BCAS1: variants seen among roughly 807,000 people sequenced by gnomAD.
BCAS1 encodes the protein breast carcinoma-amplified sequence 1.
A neutral mutation model predicts 65.4 loss-of-function variants in BCAS1; 46 were observed. The observed-to-expected ratio is 0.70, with a 90% confidence interval of 0.55 to 0.90. The LOEUF is 0.90. Among genes scored for constraint, BCAS1 ranks in the 40% least tolerant of loss-of-function variants. The pLI, the probability that BCAS1 is intolerant of heterozygous loss-of-function variation, is 0.00. For synonymous variants in BCAS1, 298 were observed against 293.5 expected, an observed-to-expected ratio of 1.02 and a Z score of -0.16; for missense variants, 793 against 771.2, an observed-to-expected ratio of 1.03 and a Z score of -0.33.
intron 12 of BCAS1, among the ~76,000 whole-genome samples, chr20:53,950,330 A>G (rs1266528999): frequency 1.3e-5 from 2 of 152,170 alleles, no homozygotes; most frequent in African/African-American, 2.4e-5. Flanking sequence ...TCCTGGAAGA[A>G]AGAGCCTTGC....
chr20:54,054,433 G>C (rs1373422852), intron 3 of BCAS1, among the ~76,000 whole-genome samples: 2 of 152,040 alleles, frequency 1.3e-5, no homozygotes, highest in Non-Finnish European at 1.5e-5. Context: ...CAAAAGACAT[G>C]GTCAAATAAT....
rs528537725 is a variant in BCAS1, at chr20:54,017,875, A to T, written c.723+10517T>A. 1.7e-4 allele frequency among the ~76,000 whole-genome samples: 26 copies of T among 152,324 alleles called. No individual in the cohort carries two copies. In the South Asian group the frequency reaches 4.8e-3, roughly 28 times the overall value. On this transcript the variant is annotated intron_variant, in intron 4 of 12. Coordinates refer to ENST00000688948, the MANE Select transcript of BCAS1 (RefSeq NM_001366298.2). The stretch of plus-strand genomic sequence containing the variant: ...GCATTTCACATTTACTAAAGGAAAA[A>T]TACCCAATGTTACGGAAAACAAACA...
chr20:53,988,531 T>C (rs972823565), intron 7 of BCAS1, among the ~76,000 whole-genome samples: 4 of 152,260 alleles, frequency 2.6e-5, no homozygotes, highest in African/African-American at 9.6e-5. Flanking sequence ...TGATGAATCA[T>C]AGTTTTACAT....
At chr20:53,956,704 G>A (rs1320437910) in intron 11 of BCAS1, among the ~76,000 whole-genome samples, 1 of 151,184 alleles carries the variant, frequency 6.6e-6, no homozygotes, top group Admixed American at 6.6e-5. Context: ...GAACCAGACA[G>A]TTTGAGTCTA....
At chr20:53,977,831 G>A (rs2090372890) in intron 8 of BCAS1, among the ~76,000 whole-genome samples, 1 of 152,012 alleles carries the variant, frequency 6.6e-6, no homozygotes, top group African/African-American at 2.4e-5. Flanking sequence ...TAATCCAGTT[G>A]AGCATCTCTC....
intron 4 of BCAS1, among the ~76,000 whole-genome samples, chr20:54,006,186 G>A (rs1278341627): frequency 2.6e-5 from 4 of 152,146 alleles, no homozygotes; most frequent in African/African-American, 4.8e-5. Context: ...TGCCCACAAC[G>A]GAGAAGATAT....
intron 8 of BCAS1, among the ~76,000 whole-genome samples, chr20:53,981,154 T>C (rs1317902085): frequency 3.3e-5 from 5 of 152,230 alleles, no homozygotes; most frequent in African/African-American, 1.2e-4. Flanking sequence ...GCCCTGTTCC[T>C]AGTGAGTCTT....
chr20:53,968,918 G>A (rs1469728917), intron 9 of BCAS1, among the ~76,000 whole-genome samples: 1 of 152,236 alleles, frequency 6.6e-6, no homozygotes. Flanking sequence ...GAAACGAGGT[G>A]GAGACTGGAG....
At position 53,944,957 on chromosome 20, in the gene BCAS1, G is replaced by A; in HGVS notation, c.1855C>T (p.Pro619Ser). 6.2e-7 allele frequency: 1 copy of A among 1,614,006 alleles called. No individual in the cohort carries two copies. The change falls in exon 13 of 13, where the codon CCA becomes TCA. Residue 619 changes from proline (P) to serine (S), a missense_variant. Pro to Ser is a moderately conservative substitution (Grantham distance 74). Coordinates refer to ENST00000688948, the MANE Select transcript of BCAS1 (RefSeq NM_001366298.2). ...TTGCCAACTGGTCCGATGGATACTG[G>A]GTCTGTTTGCACTTGAGCATCCAAC... Reference protein sequence around the residue: ...RMLDAQVQTDPVSIGPVGKSK With the variant: ...RMLDAQVQTDSVSIGPVGKSK
Position 54,025,172 on chromosome 20 carries a change from A to G in BCAS1, c.723+3220T>C, listed in dbSNP as rs190329957. ...CTTTATGCGCCCCACACCCCCACTC[A>G]ACACAAACACAACTCTGGAAGTACT... On this transcript the variant is annotated intron_variant, in intron 4 of 12. Transcript: ENST00000688948. Among the ~76,000 whole-genome samples, 319 of 152,296 alleles carry G rather than the reference A, an allele frequency of 2.1e-3. 3 individuals are homozygous for G. The highest frequency in any genetic ancestry group is 2.9e-3 in the Non-Finnish European group (198 of 68,022).
chr20:53,994,923 GTATTCAAAAAACAAGCA>G, intron 6 of BCAS1, 72 bp downstream of exon 6: 1 of 969,784 alleles, frequency 1.0e-6, no homozygotes, highest in Non-Finnish European at 1.6e-6. Flanking sequence ...ACACATATAT[GTATTCAAAAAACAAGCA>G]GGCAGACACA....
chr20:53,945,813 C>T (rs1422683360), intron 12 of BCAS1, among the ~76,000 whole-genome samples: 1 of 152,108 alleles, frequency 6.6e-6, no homozygotes, highest in Non-Finnish European at 1.5e-5. Flanking sequence ...TACTCTGTTG[C>T]CTAGGCTGAA....
chr20:54,011,985 T>C (rs76377512), intron 4 of BCAS1, among the ~76,000 whole-genome samples: 8,189 of 152,302 alleles, frequency 0.054, 558 homozygotes, highest in African/African-American at 0.16. Flanking sequence ...AGCAAAGTTA[T>C]TTACAATAGC....
chr20:54,015,742 T>C (rs1421850625), intron 4 of BCAS1, among the ~76,000 whole-genome samples: 1 of 152,196 alleles, frequency 6.6e-6, no homozygotes, highest in Non-Finnish European at 1.5e-5. Flanking sequence ...TAGAGGAAAA[T>C]AACCTCTTGT....
At chr20:53,990,075 G>GT (rs1348551212) in intron 7 of BCAS1, among the ~76,000 whole-genome samples, 5 of 152,172 alleles carry the variant, frequency 3.3e-5, no homozygotes, top group East Asian at 1.9e-4. Flanking sequence ...TTCACATTGG[G>GT]TGTGGGAGAG....
At chr20:54,049,442 A>G (rs2146268804) in intron 3 of BCAS1, among the ~76,000 whole-genome samples, 1 of 152,270 alleles carries the variant, frequency 6.6e-6, no homozygotes, top group Admixed American at 6.5e-5. Context: ...AAGGCCAAAA[A>G]TCAGGCATTT....
chr20:54,019,978 C>T (rs2146026397), intron 4 of BCAS1, among the ~76,000 whole-genome samples: 1 of 152,314 alleles, frequency 6.6e-6, no homozygotes, highest in East Asian at 1.9e-4. Flanking sequence ...TAATGTGAGG[C>T]AATTCTCCTT....
intron 6 of BCAS1, 141 bp from the exon 7 acceptor site, chr20:53,992,787 C>G (rs6013860): frequency 0.062 from 42,849 of 692,734 alleles, 3,836 homozygotes; most frequent in African/African-American, 0.34. Context: ...ACAAAACACC[C>G]TGTAAATGTT....
At chr20:54,054,127 A>G (rs932694269) in intron 3 of BCAS1, among the ~76,000 whole-genome samples, 8 of 152,192 alleles carry the variant, frequency 5.3e-5, no homozygotes. Context: ...CTTATTCACT[A>G]TCATGAGAAC....
Sources: gnomAD v4.1 joint callset for allele counts (sites outside exome capture counted in the v4.1 genomes callset) on GRCh38, gnomAD v4.1.1 for gene constraint, MANE v1.5 for transcripts, NCBI Gene and HGNC (gene_info 2026-07-23, HGNC 2026-07-21) for gene names.